SHQ1: variants seen among roughly 807,000 people sequenced by gnomAD.
SHQ1 encodes the protein protein SHQ1 homolog.
Under a neutral mutation model 53.8 loss-of-function variants are expected in SHQ1, and 49 were observed. That is an observed-to-expected ratio of 0.91 (90% confidence interval 0.72 to 1.16). The LOEUF is 1.16. Ranked by LOEUF, SHQ1 falls within the 50% of genes most tolerant of loss-of-function variation. The pLI is 0.00. For missense variants in SHQ1, 738 were observed against 683.1 expected (o/e 1.08, Z -0.90); for synonymous variants, 243 against 251.0 (o/e 0.97, Z 0.30).
At chr3:72,739,157 A>T in the SHQ1 span, among the ~76,000 whole-genome samples, 1 of 152,218 alleles carries the variant, frequency 6.6e-6, no homozygotes, top group South Asian at 2.1e-4. Flanking sequence ...CCCTCGAGCA[A>T]CGTCTGACTT....
At chr3:72,745,235 C>G (rs894627014), downstream of SHQ1, among the ~76,000 whole-genome samples, 3 of 151,946 alleles carry the variant, frequency 2.0e-5, no homozygotes, top group African/African-American at 7.3e-5. Flanking sequence ...AGAATTTGAT[C>G]CACGTAACCA....
chr3:72,841,530 G>A (rs974491248), intron 3 of SHQ1, among the ~76,000 whole-genome samples: 3 of 152,092 alleles, frequency 2.0e-5, no homozygotes, highest in African/African-American at 7.2e-5. Flanking sequence ...GTAAAAACAG[G>A]CAAAACAGAG....
At chr3:72,766,243 C>T (rs1309359145) in intron 10 of SHQ1, among the ~76,000 whole-genome samples, 2 of 152,172 alleles carry the variant, frequency 1.3e-5, no homozygotes, top group Non-Finnish European at 2.9e-5. Context: ...AAGACACTCA[C>T]AACAATCCCC....
intron 10 of SHQ1, among the ~76,000 whole-genome samples, chr3:72,765,550 TATATATA>T (rs1252011288): frequency 3.0e-5 from 3 of 98,938 alleles, no homozygotes; most frequent in Non-Finnish European, 1.8e-5. Flanking sequence ...TATATATATA[TATATATA>T]TTTTTTTTTT....
chr3:72,788,414 G>C (rs1485728279), intron 10 of SHQ1, among the ~76,000 whole-genome samples: 1 of 151,588 alleles, frequency 6.6e-6, no homozygotes, highest in African/African-American at 2.4e-5. Flanking sequence ...CCCCGTCTGA[G>C]AAGTGAGGAG....
rs149862971 is a variant in SHQ1, at chr3:72,828,335, A to G, written c.600-3784T>C. ...TAGTCTGAGGAGATAAGCAACCACT[A>G]TTCAGGCAATGTGGGGTCAGGGGAA... is the stretch of plus-strand genomic sequence containing the variant. On this transcript the variant is annotated intron_variant, in intron 5 of 10. Transcript: ENST00000325599. 8.5e-5 allele frequency among the ~76,000 whole-genome samples: 13 copies of G among 152,338 alleles called. No homozygotes were observed. In the East Asian group the frequency reaches 1.4e-3, roughly 16 times the overall value.
At chr3:72,729,686 C>G in the SHQ1 span, among the ~76,000 whole-genome samples, 1 of 152,276 alleles carries the variant, frequency 6.6e-6, no homozygotes, top group Middle Eastern at 3.4e-3. Flanking sequence ...GTAATAACTC[C>G]TGAGTTTGCA....
Position 72,815,365 on chromosome 3 carries a change from T to C in SHQ1, c.921A>G (p.Thr307=). ...GAAATCATACCTCAAACCAGCATAG[T>C]GTTGGACTCAGTTTCCTGATATTCC... is the stretch of plus-strand genomic sequence containing the variant. ...SAWNIRKLSP[T]LCWFETWTNV... The change falls in exon 8 of 11, where the codon ACA becomes ACG. Residue 307 remains threonine, a synonymous_variant. Coordinates refer to ENST00000325599, the MANE Select transcript of SHQ1 (RefSeq NM_018130.3). 6.2e-7 allele frequency: 1 copy of C among 1,613,504 alleles called. No individual in the cohort carries two copies. The highest frequency in any genetic ancestry group is 2.2e-5 in the East Asian group (1 of 44,832).
At chr3:72,736,792 CAA>C in the SHQ1 span, among the ~76,000 whole-genome samples, 317 of 105,296 alleles carry the variant, frequency 3.0e-3, 17 homozygotes, top group Admixed American at 0.029. Flanking sequence ...GACTCCGTTT[CAA>C]AAAAAAAAAA....
chr3:72,787,538 T>C (rs1197600152), intron 10 of SHQ1, among the ~76,000 whole-genome samples: 1 of 152,232 alleles, frequency 6.6e-6, no homozygotes, highest in Non-Finnish European at 1.5e-5. Context: ...AGCATATATG[T>C]ACTCTTTTTA....
chr3:72,742,569 G>C, the SHQ1 span, among the ~76,000 whole-genome samples: 1 of 150,806 alleles, frequency 6.6e-6, no homozygotes, highest in Non-Finnish European at 1.5e-5. Flanking sequence ...AACTGAAAAG[G>C]TATCTGTGGT....
At chr3:72,763,678 C>T (rs149652655) in intron 10 of SHQ1, among the ~76,000 whole-genome samples, 1 of 152,278 alleles carries the variant, frequency 6.6e-6, no homozygotes, top group Non-Finnish European at 1.5e-5. Context: ...ACAGAGAATG[C>T]CATGTGAAGA....
chr3:72,837,082 CAG>C (rs1180279730), intron 4 of SHQ1, among the ~76,000 whole-genome samples: 1 of 152,138 alleles, frequency 6.6e-6, no homozygotes, highest in Non-Finnish European at 1.5e-5. Flanking sequence ...GGTTGGCGCC[CAG>C]AGACTCTAGG....
intron 5 of SHQ1, among the ~76,000 whole-genome samples, chr3:72,825,231 AT>A (rs1707615073): frequency 6.6e-6 from 1 of 152,144 alleles, no homozygotes; most frequent in Non-Finnish European, 1.5e-5. Context: ...TGTGCTAGGT[AT>A]GCAAGTACTA....
chr3:72,751,502 G>GTATATATA (rs1469973919), intron 10 of SHQ1, among the ~76,000 whole-genome samples: 6 of 118,810 alleles, frequency 5.1e-5, no homozygotes, highest in Admixed American at 2.3e-4. Context: ...GTGTGTGTGT[G>GTATATATA]TGTGTGTATA....
intron 4 of SHQ1, among the ~76,000 whole-genome samples, chr3:72,833,426 G>C (rs1707883228): frequency 6.6e-6 from 1 of 151,758 alleles, no homozygotes; most frequent in African/African-American, 2.4e-5. Context: ...GGGCGACAGA[G>C]CCAGACTCTA....
chr3:72,774,271 G>A (rs1705911375), intron 10 of SHQ1, among the ~76,000 whole-genome samples: 1 of 152,090 alleles, frequency 6.6e-6, no homozygotes. Flanking sequence ...AATTCAAAAC[G>A]GACAGATTAA....
the SHQ1 span, among the ~76,000 whole-genome samples, chr3:72,733,352 T>C: frequency 6.6e-6 from 1 of 151,352 alleles, no homozygotes; most frequent in East Asian, 1.9e-4. Flanking sequence ...AATACAGAAC[T>C]CAATTCAAAA....
chr3:72,812,660 T>A lies in SHQ1; in HGVS notation c.1060+11A>T. 1 of 1,613,124 alleles carries A rather than the reference T, an allele frequency of 6.2e-7. No individual in the cohort carries two copies. Among genetic ancestry groups the A allele is most frequent in the African/African-American group, 1.3e-5 (1 of 75,030 alleles). The stretch of plus-strand genomic sequence containing the variant: ...TTCCCTCCCAAATTTGCAAGTACAG[T>A]AATATCTTACCCAGTTGCAATATCT... On this transcript the variant is annotated intron_variant, in intron 9 of 10. Transcript: ENST00000325599.
Sources: allele counts gnomAD v4.1 joint callset (sites outside exome capture counted in the v4.1 genomes callset), GRCh38; gene constraint gnomAD v4.1.1; transcripts MANE v1.5; gene names NCBI Gene and HGNC (gene_info 2026-07-23, HGNC 2026-07-21).